RORA: variants seen among roughly 807,000 people sequenced by gnomAD.
RORA encodes nuclear receptor ROR-alpha.
A neutral mutation model predicts 69.5 loss-of-function variants in RORA; 7 were observed. The observed-to-expected ratio is 0.10, with a 90% CI of 0.06 to 0.19. The LOEUF (loss-of-function observed/expected upper bound fraction) is 0.19. Among genes scored for constraint, RORA ranks in the 10% least tolerant of loss-of-function variants. RORA has a pLI of 1.00. For missense variants in RORA, 457 were observed against 663.0 expected (o/e 0.69, Z 3.41); for synonymous variants, 261 against 240.8 (o/e 1.08, Z -0.78).
At chr15:60,667,158 G>A (rs2070393431) in intron 2 of RORA, among the ~76,000 whole-genome samples, 1 of 152,136 alleles carries the variant, frequency 6.6e-6, no homozygotes, top group Admixed American at 6.5e-5. Flanking sequence ...CACTAGACAA[G>A]ACTGGGCTCT....
At chr15:60,907,750 C>T (rs555694475) in intron 1 of RORA, among the ~76,000 whole-genome samples, 57 of 152,244 alleles carry the variant, frequency 3.7e-4, no homozygotes, top group Non-Finnish European at 7.8e-4. Context: ...AGAGCCAACA[C>T]GTACAAATAG....
chr15:60,657,491 A>C (rs1596102725), intron 2 of RORA, among the ~76,000 whole-genome samples: 1 of 152,308 alleles, frequency 6.6e-6, no homozygotes, highest in East Asian at 1.9e-4. Flanking sequence ...CTCCCCAGTC[A>C]GATTATGCTG....
chr15:61,141,012 C>T (rs1439630953), intron 1 of RORA, among the ~76,000 whole-genome samples: 1 of 152,070 alleles, frequency 6.6e-6, no homozygotes, highest in Non-Finnish European at 1.5e-5. Context: ...TAAATCCTAC[C>T]AACTTCCATT....
intron 1 of RORA, among the ~76,000 whole-genome samples, chr15:60,739,540 C>T (rs188354542): frequency 5.9e-5 from 9 of 151,890 alleles, no homozygotes; most frequent in Admixed American, 5.9e-4. Flanking sequence ...CACTGCACTC[C>T]AGGCTGGGTA....
chr15:61,211,068 T>A (rs1318502561), intron 1 of RORA, among the ~76,000 whole-genome samples: 1 of 152,198 alleles, frequency 6.6e-6, no homozygotes, highest in Non-Finnish European at 1.5e-5. Context: ...GCACTTGGCC[T>A]GGGTTTAGAA....
At chr15:61,054,335 C>A (rs1023561207) in intron 1 of RORA, among the ~76,000 whole-genome samples, 1 of 150,706 alleles carries the variant, frequency 6.6e-6, no homozygotes, top group Non-Finnish European at 1.5e-5. Context: ...AAAAAATGTT[C>A]TCCCATAGAT....
intron 1 of RORA, among the ~76,000 whole-genome samples, chr15:61,072,609 T>C (rs1287659014): frequency 6.6e-6 from 1 of 152,216 alleles, no homozygotes. Context: ...TTGTATAAGT[T>C]GGTGTCTTTT....
At chr15:61,136,273 T>C (rs1481584207) in intron 1 of RORA, among the ~76,000 whole-genome samples, 1 of 151,732 alleles carries the variant, frequency 6.6e-6, no homozygotes, top group Non-Finnish European at 1.5e-5. Context: ...ATTATCCTCC[T>C]ATATACCATT....
chr15:61,202,718 C>T (rs143342796), intron 1 of RORA, among the ~76,000 whole-genome samples: 311 of 152,052 alleles, frequency 2.0e-3, no homozygotes, highest in African/African-American at 6.9e-3. Flanking sequence ...TACCCCTTGC[C>T]CAAGGAAGTA....
At chr15:60,682,861 T>TAG (rs1279037822) in intron 1 of RORA, among the ~76,000 whole-genome samples, 1 of 152,160 alleles carries the variant, frequency 6.6e-6, no homozygotes, top group Admixed American at 6.5e-5. Context: ...AGGGACTTGA[T>TAG]AGAATTGTGG....
Position 60,936,653 on chromosome 15 carries a change from G to A in RORA, c.167-257967C>T, listed in dbSNP as rs192536196. ...GCAAGGATGGTTCTGCCAGAGTGAC[G>A]GGCACTGCCTGTGACCATACAGTGG... On this transcript the variant is annotated intron_variant, in intron 1 of 10. Coordinates refer to ENST00000335670, the MANE Select transcript of RORA (RefSeq NM_134261.3). Among the ~76,000 whole-genome samples the A allele has an allele frequency of 2.3e-3, 353 of 152,322 alleles. 2 individuals are homozygous for A. Among genetic ancestry groups the A allele is most frequent in the African/African-American group, 8.1e-3 (336 of 41,574 alleles).
intron 1 of RORA, among the ~76,000 whole-genome samples, chr15:60,997,157 C>A (rs1220649240): frequency 6.6e-6 from 1 of 151,874 alleles, no homozygotes; most frequent in Non-Finnish European, 1.5e-5. Context: ...GAAGTACTAG[C>A]TGGGAGCTTG....
At chr15:61,151,750 A>G (rs147448564) in intron 1 of RORA, among the ~76,000 whole-genome samples, 1 of 152,346 alleles carries the variant, frequency 6.6e-6, no homozygotes, top group East Asian at 1.9e-4. Context: ...CTTTTTGAAT[A>G]CGAAGCTTAT....
chr15:60,788,272 C>T (rs1248764271), intron 1 of RORA, among the ~76,000 whole-genome samples: 1 of 152,196 alleles, frequency 6.6e-6, no homozygotes, highest in African/African-American at 2.4e-5. Flanking sequence ...GCACAAGACA[C>T]ATCTCTGACC....
At chr15:60,961,591 G>A (rs1167754955) in intron 1 of RORA, among the ~76,000 whole-genome samples, 1 of 152,188 alleles carries the variant, frequency 6.6e-6, no homozygotes, top group Non-Finnish European at 1.5e-5. Context: ...GAATGGGCAG[G>A]AGCCTCTTTC....
At chr15:60,578,695 G>A (rs1443282288) in intron 2 of RORA, among the ~76,000 whole-genome samples, 2 of 151,836 alleles carry the variant, frequency 1.3e-5, no homozygotes, top group Non-Finnish European at 2.9e-5. Flanking sequence ...AAAAAGGTAT[G>A]GACTTGAGGG....
In RORA at chr15:60,755,675, T is replaced by C. The variant is rs561450047; in HGVS notation, c.167-76989A>G. On this transcript the variant is annotated intron_variant, in intron 1 of 10. Transcript: ENST00000335670. ...GAGTCTTTTTCATCTCTGAATCCCA[T>C]AGCATTTTCCACAAACCCAACACAT... is the stretch of plus-strand genomic sequence containing the variant. Among the ~76,000 whole-genome samples the C allele has an allele frequency of 3.3e-5, 5 of 152,296 alleles. 1 individual carries two copies. Among genetic ancestry groups the C allele is most frequent in the African/African-American group, 9.6e-5 (4 of 41,572 alleles).
At chr15:60,872,337 G>A (rs997209321) in intron 1 of RORA, among the ~76,000 whole-genome samples, 10 of 152,132 alleles carry the variant, frequency 6.6e-5, no homozygotes, top group Admixed American at 1.3e-4. Flanking sequence ...TTCAAAATGC[G>A]GTCTGAGCAA....
Position 60,763,096 on chromosome 15 carries a change from T to TTTTTTTTTA in RORA, c.167-84411_167-84410insTAAAAAAAA, listed in dbSNP as rs375632043. Reference sequence around the variant, plus strand: ...TTTTTTTTTTTTTTTTTTTTTTTTTTAACCAACCTACCAAAGCAAAGGCAG... The same window carrying TTTTTTTTTA: ...TTTTTTTTTTTTTTTTTTTTTTTTTTTTTTTTTTAAACCAACCTACCAAAGCAAAGGCAG... On this transcript the variant is annotated intron_variant, in intron 1 of 10. Coordinates refer to ENST00000335670, the MANE Select transcript of RORA (RefSeq NM_134261.3). 1.5e-3 allele frequency among the ~76,000 whole-genome samples: 168 copies of TTTTTTTTTA among 109,406 alleles called. 10 individuals carry two copies. Among genetic ancestry groups the TTTTTTTTTA allele is most frequent in the Admixed American group, 0.012 (102 of 8,238 alleles). The allele number at this position is 109,406 out of a possible 152,430, so 71.8% of individuals were successfully genotyped here.
Sources: allele counts gnomAD v4.1 joint callset (sites outside exome capture counted in the v4.1 genomes callset), GRCh38; gene constraint gnomAD v4.1.1; transcripts MANE v1.5; gene names NCBI Gene and HGNC (gene_info 2026-07-23, HGNC 2026-07-21).